The following RUNX2 variants were observed in gnomAD, a reference collection of about 807,000 sequenced individuals.
The protein encoded by RUNX2 is RUNX family transcription factor 2.
In RUNX2, 10 loss-of-function variants were observed where a neutral mutation model predicts 51.7. The ratio of observed to expected loss-of-function variants is 0.19; its 90% CI spans 0.12 to 0.33. RUNX2 has a LOEUF of 0.33. Ranked by LOEUF, RUNX2 falls within the 10% of genes least tolerant of loss-of-function variation. RUNX2 has a pLI of 1.00. For missense variants in RUNX2, 562 were observed against 691.3 expected (o/e 0.81, Z 2.10); for synonymous variants, 276 against 273.6 (o/e 1.01, Z -0.09).
chr6:45,335,111 A>C lies in RUNX2; in HGVS notation c.58+6327A>C, dbSNP rs144065325. Among the ~76,000 whole-genome samples the C allele has an allele frequency of 5.9e-5, 9 of 151,332 alleles. No homozygotes were observed. The East Asian group carries it at 1.7e-3, about 29-fold the overall frequency. ...GCTAAACAGGTATATTTTCTCATTGACCATGTAACCTGGGTAAACAATTTA... is the reference window on the plus strand; with the variant it reads ...GCTAAACAGGTATATTTTCTCATTGCCCATGTAACCTGGGTAAACAATTTA... On this transcript the variant is annotated intron_variant, in intron 2 of 8. Transcript: ENST00000647337.
intron 7 of RUNX2, among the ~76,000 whole-genome samples, chr6:45,515,016 A>G (rs370247396): frequency 6.6e-6 from 1 of 151,382 alleles, no homozygotes; most frequent in East Asian, 1.9e-4. Context: ...TAGTCTTCAT[A>G]ATGCTCTGTG....
rs398001404 is a variant in RUNX2, at chr6:45,550,002, C to CT, written c.*2712dup. The CT allele has an allele frequency of 0.016, 2,233 of 141,426 alleles. 71 individuals carry two copies. Among genetic ancestry groups the CT allele is most frequent in the African/African-American group, 0.052 (1,990 of 38,406 alleles). The allele number at this position is 141,426 out of a possible 1,614,324, so 8.8% of individuals were successfully genotyped here. On this transcript the variant is annotated 3_prime_UTR_variant, in exon 9 of 9. Transcript: ENST00000647337. ...ATTAAAATTTTGTTTTTCTTTCTTTCTTTTTTTTTTTTTTTCACTGAACCC... is the reference window on the plus strand; with the variant it reads ...ATTAAAATTTTGTTTTTCTTTCTTTCTTTTTTTTTTTTTTTTCACTGAACCC...
intron 5 of RUNX2, among the ~76,000 whole-genome samples, chr6:45,451,116 T>C (rs937554782): frequency 1.3e-5 from 2 of 152,154 alleles, no homozygotes; most frequent in African/African-American, 4.8e-5. Flanking sequence ...TCAAATCAGA[T>C]TAGCTAGATA....
intron 7 of RUNX2, among the ~76,000 whole-genome samples, chr6:45,542,644 T>C (rs958260704): frequency 3.3e-5 from 5 of 152,236 alleles, no homozygotes; most frequent in Non-Finnish European, 7.3e-5. Flanking sequence ...AGATAGGAAC[T>C]CTCACTGGGG....
At chr6:45,399,168 T>G (rs1263219593) in intron 2 of RUNX2, among the ~76,000 whole-genome samples, 1 of 152,018 alleles carries the variant, frequency 6.6e-6, no homozygotes, top group Admixed American at 6.6e-5. Flanking sequence ...GTTTGTTTCC[T>G]CCTCTCTTCA....
intron 5 of RUNX2, 144 bp from the exon 6 acceptor site, chr6:45,491,797 G>A (rs1800483300): frequency 4.7e-6 from 4 of 851,060 alleles, no homozygotes; most frequent in Non-Finnish European, 7.9e-6. Context: ...GAAATGGAAG[G>A]CATTATGTAG....
chr6:45,471,866 C>T (rs76668969), intron 5 of RUNX2, among the ~76,000 whole-genome samples: 2 of 152,120 alleles, frequency 1.3e-5, no homozygotes, highest in African/African-American at 2.4e-5. Flanking sequence ...CTCTATTAAG[C>T]GCTGAGTTTT....
Position 45,528,620 on chromosome 6 carries a change from CA to C in RUNX2, c.1021+16225del, listed in dbSNP as rs1244995164. Among the ~76,000 whole-genome samples, 1,002 of 137,404 alleles carry C rather than the reference CA, an allele frequency of 7.3e-3. 10 individuals are homozygous for C. The highest frequency in any genetic ancestry group is 0.021 in the African/African-American group (800 of 37,354). The allele number at this position is 137,404 out of a possible 152,430, so 90.1% of individuals were successfully genotyped here. On this transcript the variant is annotated intron_variant, in intron 7 of 8. Coordinates refer to ENST00000647337, the MANE Select transcript of RUNX2 (RefSeq NM_001024630.4). Reference sequence around the variant, plus strand: ...TGGGTGACAGAGGGAGACTCTGTCTCAAAAAAAAAAAAGATGCACTTCAATG... The same window carrying C: ...TGGGTGACAGAGGGAGACTCTGTCTCAAAAAAAAAAAGATGCACTTCAATG...
intron 6 of RUNX2, among the ~76,000 whole-genome samples, chr6:45,496,902 T>C (rs542421076): frequency 1.5e-5 from 2 of 133,992 alleles, no homozygotes; most frequent in African/African-American, 6.1e-5. Flanking sequence ...ATACTCTCTT[T>C]TTTTTAATAG....
intron 2 of RUNX2, among the ~76,000 whole-genome samples, chr6:45,401,465 T>G (rs1797711362): frequency 6.6e-6 from 1 of 152,246 alleles, no homozygotes; most frequent in African/African-American, 2.4e-5. Context: ...GAAGTTGGTT[T>G]AAGTCCTGGC....
intron 2 of RUNX2, among the ~76,000 whole-genome samples, chr6:45,414,869 C>T (rs899985105): frequency 6.9e-5 from 10 of 144,182 alleles, no homozygotes; most frequent in Admixed American, 2.2e-4. Flanking sequence ...GACATAAGAT[C>T]ATGGGATTTC....
At chr6:45,522,747 A>G (rs1301006489) in intron 7 of RUNX2, among the ~76,000 whole-genome samples, 1 of 152,248 alleles carries the variant, frequency 6.6e-6, no homozygotes, top group Non-Finnish European at 1.5e-5. Context: ...CTCAGCATGC[A>G]TAATGTCGTG....
At chr6:45,384,706 C>A (rs1283628817) in intron 2 of RUNX2, among the ~76,000 whole-genome samples, 1 of 61,210 alleles carries the variant, frequency 1.6e-5, no homozygotes, top group Non-Finnish European at 2.9e-5. Flanking sequence ...ATTAGGGTGT[C>A]TTTTTTTTTT....
chr6:45,532,905 CTTTTTTTTTTT>C (rs10706582), intron 7 of RUNX2, among the ~76,000 whole-genome samples: 2 of 125,880 alleles, frequency 1.6e-5, no homozygotes, highest in African/African-American at 5.9e-5. Context: ...AGACCGGGCT[CTTTTTTTTTTT>C]TTTTTTTTTC....
intron 7 of RUNX2, among the ~76,000 whole-genome samples, chr6:45,515,080 C>A (rs1801278482): frequency 6.6e-6 from 1 of 152,108 alleles, no homozygotes; most frequent in South Asian, 2.1e-4. Context: ...TAACCTCTAT[C>A]CCTGTTTACA....
intron 5 of RUNX2, among the ~76,000 whole-genome samples, chr6:45,461,523 C>G (rs918469973): frequency 9.9e-5 from 15 of 152,180 alleles, no homozygotes; most frequent in African/African-American, 3.6e-4. Flanking sequence ...GTATCAACAT[C>G]ATGGAGAAGG....
intron 5 of RUNX2, among the ~76,000 whole-genome samples, chr6:45,441,468 T>C (rs1283504656): frequency 1.3e-5 from 2 of 152,352 alleles, no homozygotes; most frequent in Non-Finnish European, 2.9e-5. Flanking sequence ...TCCTCATCAG[T>C]TGCTGCAAGA....
At chr6:45,352,673 T>A (rs1792304098) in intron 2 of RUNX2, among the ~76,000 whole-genome samples, 1 of 152,178 alleles carries the variant, frequency 6.6e-6, no homozygotes, top group South Asian at 2.1e-4. Flanking sequence ...CCTAGTATTC[T>A]GTTTATAAGT....
At chr6:45,420,714 G>A (rs1184555487) in intron 2 of RUNX2, among the ~76,000 whole-genome samples, 1 of 152,228 alleles carries the variant, frequency 6.6e-6, no homozygotes, top group Non-Finnish European at 1.5e-5. Flanking sequence ...ACACAACGCC[G>A]AGGGTAAAAC....
Sources: gnomAD v4.1 joint callset for allele counts (sites outside exome capture counted in the v4.1 genomes callset) on GRCh38, gnomAD v4.1.1 for gene constraint, MANE v1.5 for transcripts, NCBI Gene and HGNC (gene_info 2026-07-23, HGNC 2026-07-21) for gene names.